Variants in TTC28 observed in about 807,000 individuals in gnomAD.
The protein encoded by TTC28 is tetratricopeptide repeat domain 28, also known as tetratricopeptide repeat protein 28.
Under a neutral mutation model 198.0 loss-of-function variants are expected in TTC28, and 61 were observed. The observed-to-expected ratio is 0.31, with a 90% confidence interval of 0.25 to 0.38. The LOEUF (loss-of-function observed/expected upper bound fraction) is 0.38, where lower values mean the gene tolerates loss of function less well. Among genes scored for constraint, TTC28 ranks in the 10% least tolerant of loss-of-function variants. The probability of loss-of-function intolerance (pLI) is 1.00; values close to 1 mark genes in which losing one functional copy is unlikely to be tolerated. For synonymous variants in TTC28, 1,171 were observed against 1,297.8 expected (o/e 0.90, Z 2.10); for missense variants, 2,678 against 3,164.0 (o/e 0.85, Z 3.69).
intron 2 of TTC28, among the ~76,000 whole-genome samples, chr22:28,391,670 C>T (rs1457073691): frequency 6.6e-6 from 1 of 152,184 alleles, no homozygotes; most frequent in Non-Finnish European, 1.5e-5. Flanking sequence ...ACATAGTTCT[C>T]GAGCCTTGGT....
intron 2 of TTC28, among the ~76,000 whole-genome samples, chr22:28,572,319 TAA>T (rs2051213345): frequency 6.6e-6 from 1 of 152,040 alleles, no homozygotes; most frequent in African/African-American, 2.4e-5. Flanking sequence ...CGACACTGTC[TAA>T]AAAAAGAATT....
chr22:28,622,696 A>G (rs2146189260), intron 2 of TTC28, among the ~76,000 whole-genome samples: 1 of 152,334 alleles, frequency 6.6e-6, no homozygotes, highest in Non-Finnish European at 1.5e-5. Flanking sequence ...ACACAACTAT[A>G]TGTTGTCCAA....
chr22:28,320,324 C>T (rs2045426316), intron 2 of TTC28, among the ~76,000 whole-genome samples: 1 of 151,032 alleles, frequency 6.6e-6, no homozygotes, highest in Admixed American at 6.6e-5. Flanking sequence ...AGAATGAAGG[C>T]ACAAGATATG....
At chr22:28,532,680 C>A (rs151240837) in intron 2 of TTC28, among the ~76,000 whole-genome samples, 11,787 of 152,240 alleles carry the variant, frequency 0.077, 578 homozygotes, top group Admixed American at 0.14. Context: ...CAAACCAAAT[C>A]CAGCAGCATA....
intron 7 of TTC28, among the ~76,000 whole-genome samples, 196 bp downstream of exon 7, chr22:28,106,865 GC>G (rs1311875235): frequency 3.3e-5 from 5 of 152,098 alleles, no homozygotes; most frequent in African/African-American, 7.2e-5. Flanking sequence ...ATTTCTCTGG[GC>G]TTTAGTTTCT....
intron 2 of TTC28, among the ~76,000 whole-genome samples, chr22:28,383,418 C>G (rs376242342): frequency 6.6e-6 from 1 of 152,124 alleles, no homozygotes; most frequent in Non-Finnish European, 1.5e-5. Flanking sequence ...TAACTGGCTA[C>G]GGTTATAATA....
chr22:28,118,134 C>A (rs556334292), intron 6 of TTC28, among the ~76,000 whole-genome samples: 14 of 152,320 alleles, frequency 9.2e-5, no homozygotes, highest in Middle Eastern at 3.4e-3. Context: ...AGCGGTGGCT[C>A]ACACCTGTAA....
Position 27,999,211 on chromosome 22 carries a change from G to A in TTC28, c.4448C>T (p.Ala1483Val), listed in dbSNP as rs1239732922. 19 of 1,550,834 alleles carry A rather than the reference G, an allele frequency of 1.2e-5. No individual in the cohort carries two copies. Among genetic ancestry groups the A allele is most frequent in the East Asian group, 2.4e-5 (1 of 40,928 alleles). ...TAGCTTGGGGTTGCCGATGACAGCC[G>A]CCATGGATGTGGAGCTGGAGTATGT... ...PPTYSSSTSMAAVIGNPKLPS... is the reference protein window; with the variant it reads ...PPTYSSSTSMVAVIGNPKLPS... The change falls in exon 16 of 23, where the codon GCG (alanine) becomes GTG (valine). Residue 1483 changes from alanine to valine, a missense_variant. Ala to Val is a moderately conservative substitution (Grantham distance 64). This residue lies in a region of TTC28 where 727 missense variants were observed against 861.9 expected (regional missense o/e 0.84). Coordinates refer to ENST00000397906, the MANE Select transcript of TTC28 (RefSeq NM_001145418.2).
chr22:28,311,666 C>G (rs1310313280), intron 2 of TTC28, among the ~76,000 whole-genome samples: 2 of 152,056 alleles, frequency 1.3e-5, no homozygotes, highest in African/African-American at 4.8e-5. Flanking sequence ...TGCAAACAAT[C>G]CAATTATACT....
At chr22:27,988,066 A>AAAAAT (rs1361984459) in intron 21 of TTC28, among the ~76,000 whole-genome samples, 2 of 152,142 alleles carry the variant, frequency 1.3e-5, no homozygotes, top group Non-Finnish European at 2.9e-5. Flanking sequence ...AAAGTTAAAA[A>AAAAAT]AAAATAAAAA....
intron 1 of TTC28, among the ~76,000 whole-genome samples, chr22:28,662,917 T>A (rs181039784): frequency 6.6e-6 from 1 of 152,196 alleles, no homozygotes; most frequent in African/African-American, 2.4e-5. Flanking sequence ...CAGAAGCAAC[T>A]GTGCAGTATC....
At chr22:28,335,110 G>A (rs2045688309) in intron 2 of TTC28, among the ~76,000 whole-genome samples, 1 of 152,114 alleles carries the variant, frequency 6.6e-6, no homozygotes, top group Non-Finnish European at 1.5e-5. Flanking sequence ...ATTAAATAGG[G>A]AATCCTTTCC....
intron 2 of TTC28, among the ~76,000 whole-genome samples, chr22:28,341,079 C>T (rs998262746): frequency 2.6e-5 from 4 of 152,186 alleles, no homozygotes; most frequent in African/African-American, 9.7e-5. Context: ...CCAAAGATGA[C>T]TAATGCCCTA....
intron 5 of TTC28, among the ~76,000 whole-genome samples, chr22:28,267,679 T>C (rs1320169628): frequency 2.0e-5 from 3 of 152,192 alleles, no homozygotes; most frequent in Non-Finnish European, 4.4e-5. Flanking sequence ...AAATTAAACC[T>C]AGTACTATTA....
At chr22:28,545,872 G>C (rs1391464446) in intron 2 of TTC28, among the ~76,000 whole-genome samples, 2 of 152,164 alleles carry the variant, frequency 1.3e-5, no homozygotes, top group Non-Finnish European at 2.9e-5. Flanking sequence ...CAAAGGGGAA[G>C]ACTCGATATT....
intron 2 of TTC28, among the ~76,000 whole-genome samples, chr22:28,348,322 C>T (rs1051463090): frequency 1.3e-5 from 2 of 152,066 alleles, no homozygotes; most frequent in African/African-American, 4.8e-5. Flanking sequence ...TAGAATGAAG[C>T]TAAGGGACTA....
intron 13 of TTC28, among the ~76,000 whole-genome samples, chr22:28,023,996 T>C (rs1451244750): frequency 6.6e-6 from 1 of 152,152 alleles, no homozygotes; most frequent in Non-Finnish European, 1.5e-5. Flanking sequence ...GCTGTCATTA[T>C]CATCTTTGTT....
At chr22:28,659,023 A>C (rs2051702507) in intron 1 of TTC28, among the ~76,000 whole-genome samples, 1 of 152,034 alleles carries the variant, frequency 6.6e-6, no homozygotes, top group Admixed American at 6.6e-5. Context: ...AATTGAAGAA[A>C]AAAAGAGATG....
intron 2 of TTC28, among the ~76,000 whole-genome samples, chr22:28,401,192 G>GGGAGGAGGA (rs71194765): frequency 2.0e-5 from 3 of 151,618 alleles, no homozygotes; most frequent in African/African-American, 7.3e-5. Flanking sequence ...AAAGGAGGGG[G>GGGAGGAGGA]GGAGGAGGAG....
Sources: allele counts gnomAD v4.1 joint callset (sites outside exome capture counted in the v4.1 genomes callset), GRCh38; gene constraint gnomAD v4.1.1; regional missense constraint gnomAD v4.1.1; transcripts MANE v1.5; gene names NCBI Gene and HGNC (gene_info 2026-07-23, HGNC 2026-07-21).